KIF26B: variants seen among roughly 807,000 people sequenced by gnomAD.
The protein encoded by KIF26B is kinesin family member 26B.
Under a neutral mutation model 151.2 loss-of-function variants are expected in KIF26B, and 63 were observed. That is an observed-to-expected ratio of 0.42 (90% CI 0.34 to 0.51). KIF26B has a LOEUF of 0.51. Ranked by LOEUF, KIF26B falls within the 20% of genes least tolerant of loss-of-function variation. The pLI is 0.07. For missense variants in KIF26B, 2,813 were observed against 2,913.6 expected, an observed-to-expected ratio of 0.97 and a Z score of 0.79; for synonymous variants, 1,357 against 1,262.1, an observed-to-expected ratio of 1.08 and a Z score of -1.59.
intron 2 of KIF26B, among the ~76,000 whole-genome samples, chr1:245,253,935 G>A (rs191164966): frequency 0.014 from 2,091 of 149,018 alleles, 51 homozygotes; most frequent in African/African-American, 0.048. Flanking sequence ...TCAGCCTCCC[G>A]AGTAGCTGGG....
chr1:245,473,939 C>T lies in KIF26B; in HGVS notation c.1166+54194C>T, dbSNP rs569589957. Among the ~76,000 whole-genome samples, 10 of 151,870 alleles carry T rather than the reference C, an allele frequency of 6.6e-5. No homozygotes were observed. The South Asian group carries it at 1.7e-3, about 26-fold the overall frequency. ...TGGGGGTGCATGTGATAATTTAATA[C>T]GTTCATATCATTGTAAAGATCCAAT... On this transcript the variant is annotated intron_variant, in intron 4 of 14. Coordinates refer to ENST00000407071, the MANE Select transcript of KIF26B (RefSeq NM_018012.4).
At chr1:245,303,938 C>T (rs1268507636) in intron 2 of KIF26B, among the ~76,000 whole-genome samples, 1 of 152,208 alleles carries the variant, frequency 6.6e-6, no homozygotes, top group Non-Finnish European at 1.5e-5. Context: ...GCAGCCTCCT[C>T]CACAGAGTAA....
chr1:245,305,339 C>T (rs1290331856), intron 2 of KIF26B, among the ~76,000 whole-genome samples: 1 of 152,098 alleles, frequency 6.6e-6, no homozygotes, highest in Non-Finnish European at 1.5e-5. Flanking sequence ...TTTTGCAAAT[C>T]ACATATTTGA....
chr1:245,392,553 A>G (rs74717537), intron 3 of KIF26B, among the ~76,000 whole-genome samples: 449 of 152,196 alleles, frequency 3.0e-3, no homozygotes, highest in African/African-American at 0.01. Context: ...GCATTTCTCT[A>G]TGGTCTTAGA....
intron 6 of KIF26B, among the ~76,000 whole-genome samples, chr1:245,604,533 T>C (rs2043429656): frequency 6.6e-6 from 1 of 152,238 alleles, no homozygotes; most frequent in Non-Finnish European, 1.5e-5. Context: ...AAACCTGACG[T>C]TTGGTCTAAC....
chr1:245,278,135 A>G (rs942412925), intron 2 of KIF26B, among the ~76,000 whole-genome samples: 2 of 152,168 alleles, frequency 1.3e-5, no homozygotes, highest in Non-Finnish European at 2.9e-5. Flanking sequence ...CTGTACCTGC[A>G]TTAGAGTGCT....
intron 2 of KIF26B, among the ~76,000 whole-genome samples, chr1:245,191,192 G>C (rs1669103083): frequency 6.6e-6 from 1 of 150,408 alleles, no homozygotes; most frequent in Non-Finnish European, 1.5e-5. Context: ...CTGGGGAGAA[G>C]TTACCTCCCA....
chr1:245,275,545 C>G (rs190730535), intron 2 of KIF26B, among the ~76,000 whole-genome samples: 3 of 152,250 alleles, frequency 2.0e-5, no homozygotes, highest in African/African-American at 7.2e-5. Context: ...TTTTCTGCAT[C>G]TGGCTAGCCA....
chr1:245,323,740 A>G (rs1466278462), intron 2 of KIF26B, among the ~76,000 whole-genome samples: 2 of 152,256 alleles, frequency 1.3e-5, no homozygotes, highest in African/African-American at 2.4e-5. Flanking sequence ...CGACCCATCT[A>G]TTTATTCGCT....
chr1:245,684,034 TG>T (rs770725992), intron 10 of KIF26B, among the ~76,000 whole-genome samples, 198 bp from the exon 11 acceptor site: 4 of 152,262 alleles, frequency 2.6e-5, no homozygotes, highest in Non-Finnish European at 5.9e-5. Context: ...GATTCCATCT[TG>T]GAGTTAGAAG....
At chr1:245,179,574 G>A (rs1030824477) in intron 2 of KIF26B, among the ~76,000 whole-genome samples, 2 of 152,128 alleles carry the variant, frequency 1.3e-5, no homozygotes, top group Admixed American at 6.5e-5. Flanking sequence ...GCAGTGAGCC[G>A]AGATCACGCC....
At chr1:245,626,648 G>C (rs1330151211) in intron 9 of KIF26B, among the ~76,000 whole-genome samples, 2 of 152,054 alleles carry the variant, frequency 1.3e-5, no homozygotes, top group African/African-American at 4.8e-5. Context: ...TGAATGAACA[G>C]CTTGCAAATA....
intron 4 of KIF26B, among the ~76,000 whole-genome samples, chr1:245,439,442 G>T (rs1258605834): frequency 6.6e-6 from 1 of 151,932 alleles, no homozygotes; most frequent in African/African-American, 2.4e-5. Context: ...GTCTTAAAAA[G>T]TAAATAGAGT....
At chr1:245,467,467 T>G (rs80348033) in intron 4 of KIF26B, among the ~76,000 whole-genome samples, 3,044 of 152,290 alleles carry the variant, frequency 0.02, 78 homozygotes, top group African/African-American at 0.059. Flanking sequence ...CGTCAGTGTT[T>G]GGTTCTGGAG....
At chr1:245,235,685 G>A (rs1256022999) in intron 2 of KIF26B, among the ~76,000 whole-genome samples, 1 of 151,800 alleles carries the variant, frequency 6.6e-6, no homozygotes, top group Non-Finnish European at 1.5e-5. Context: ...AGGGAGGGAG[G>A]AAGGGAATAA....
intron 4 of KIF26B, among the ~76,000 whole-genome samples, chr1:245,485,585 T>C (rs990758090): frequency 1.3e-5 from 2 of 152,190 alleles, no homozygotes; most frequent in African/African-American, 4.8e-5. Flanking sequence ...GGTTTCGCCA[T>C]GTTGGCCAGG....
chr1:245,203,718 C>T (rs373011906), intron 2 of KIF26B, among the ~76,000 whole-genome samples: 1 of 151,188 alleles, frequency 6.6e-6, no homozygotes, highest in Non-Finnish European at 1.5e-5. Context: ...CTGGAGGTGC[C>T]GCATGAAAGC....
intron 4 of KIF26B, among the ~76,000 whole-genome samples, chr1:245,531,974 A>C (rs1452865974): frequency 1.3e-5 from 2 of 152,030 alleles, no homozygotes; most frequent in Non-Finnish European, 2.9e-5. Flanking sequence ...GATGGGGCAC[A>C]CCTGTAGTCC....
intron 3 of KIF26B, among the ~76,000 whole-genome samples, chr1:245,383,531 A>G (rs59084330): frequency 1.3e-5 from 2 of 152,252 alleles, no homozygotes; most frequent in African/African-American, 2.4e-5. Flanking sequence ...TCTCATGTAA[A>G]TAGCCTTTTT....
Sources: gnomAD v4.1 joint callset for allele counts (sites outside exome capture counted in the v4.1 genomes callset) on GRCh38, gnomAD v4.1.1 for gene constraint, MANE v1.5 for transcripts, NCBI Gene and HGNC (gene_info 2026-07-23, HGNC 2026-07-21) for gene names.